The following OSBPL6 variants were observed in gnomAD, a reference collection of about 807,000 sequenced individuals.
OSBPL6 encodes the protein oxysterol-binding protein-related protein 6.
Under a neutral mutation model 125.8 loss-of-function variants are expected in OSBPL6, and 49 were observed. The observed-to-expected ratio is 0.39, with a 90% CI of 0.31 to 0.49. The LOEUF (loss-of-function observed/expected upper bound fraction) is 0.49, where lower values mean the gene tolerates loss of function less well. Ranked by LOEUF, OSBPL6 falls within the 20% of genes least tolerant of loss-of-function variation. OSBPL6 has a pLI of 0.88. For synonymous variants in OSBPL6, 394 were observed against 391.8 expected, an observed-to-expected ratio of 1.01 and a Z score of -0.07; for missense variants, 986 against 1,135.4, an observed-to-expected ratio of 0.87 and a Z score of 1.89.
chr2:178,253,656 G>A (rs932747903), intron 1 of OSBPL6, among the ~76,000 whole-genome samples: 1 of 152,106 alleles, frequency 6.6e-6, no homozygotes, highest in Admixed American at 6.6e-5. Flanking sequence ...TAAACTCAGG[G>A]CCAGCAAGTC....
In OSBPL6 at chr2:178,395,438, T is replaced by C. The variant is rs201270618; in HGVS notation, c.2697-13T>C. 1 of 1,591,720 alleles carries C rather than the reference T, an allele frequency of 6.3e-7. No individual in the cohort carries two copies. The highest frequency in any genetic ancestry group is 8.6e-7 in the Non-Finnish European group (1 of 1,160,252). ...GTGATTCATGACTAATGTTGATGTT[T>C]ATATTTTCACAGAAAAGTTATTGAT... is the stretch of plus-strand genomic sequence containing the variant. On this transcript the variant is annotated splice_polypyrimidine_tract_variant and intron_variant, in intron 24 of 24. Transcript: ENST00000190611.
At chr2:178,239,643 T>C (rs868396362) in intron 1 of OSBPL6, among the ~76,000 whole-genome samples, 117 of 147,664 alleles carry the variant, frequency 7.9e-4, no homozygotes, top group African/African-American at 2.6e-3. Context: ...TTTATTTATT[T>C]GCGATGGAGT....
intron 1 of OSBPL6, among the ~76,000 whole-genome samples, chr2:178,211,776 T>C (rs1206446035): frequency 6.6e-6 from 1 of 152,182 alleles, no homozygotes; most frequent in African/African-American, 2.4e-5. Flanking sequence ...ACATGAGCCC[T>C]TTCCCTTCTC....
intron 1 of OSBPL6, among the ~76,000 whole-genome samples, chr2:178,209,505 C>A (rs1286305731): frequency 6.7e-6 from 1 of 150,188 alleles, no homozygotes; most frequent in Non-Finnish European, 1.5e-5. Context: ...CTTCTGTCAC[C>A]CCTCTGAGGT....
chr2:178,225,853 C>T (rs1340497350), intron 1 of OSBPL6, among the ~76,000 whole-genome samples: 1 of 152,094 alleles, frequency 6.6e-6, no homozygotes, highest in African/African-American at 2.4e-5. Flanking sequence ...CCACTGGGTC[C>T]CTCCCACAAC....
intron 4 of OSBPL6, among the ~76,000 whole-genome samples, chr2:178,325,377 C>T (rs1688604952): frequency 6.6e-6 from 1 of 152,108 alleles, no homozygotes; most frequent in African/African-American, 2.4e-5. Context: ...ACACTTGAAC[C>T]TCTTTAAACT....
chr2:178,380,034 AAAG>A (rs1413193068), intron 15 of OSBPL6, among the ~76,000 whole-genome samples: 2 of 152,224 alleles, frequency 1.3e-5, no homozygotes, highest in Non-Finnish European at 2.9e-5. Context: ...TTACATGACA[AAAG>A]AATTGGCATA....
In OSBPL6 at chr2:178,388,470, T is replaced by A. The variant is rs542657864; in HGVS notation, c.2157-539T>A. ...CTGCCTCATCACACCTTTCCTGCCT[T>A]GCGTCCTGCCACCCGCACTCACCTG... On this transcript the variant is annotated intron_variant, in intron 20 of 24. Coordinates refer to ENST00000190611, the MANE Select transcript of OSBPL6 (RefSeq NM_032523.4). Among the ~76,000 whole-genome samples, 22 of 152,274 alleles carry A rather than the reference T, an allele frequency of 1.4e-4. 1 individual carries two copies. The South Asian group carries it at 3.9e-3, about 27-fold the overall frequency.
In OSBPL6 at chr2:178,224,997, C is replaced by T. The variant is rs1187056072; in HGVS notation, c.-351+30323C>T. ...TCTTTATCTCTCTCTGCTTCTCTCT[C>T]TCTCTTTCTCTCTCTCTCTCTCTCT... On this transcript the variant is annotated intron_variant, in intron 1 of 24. Transcript: ENST00000190611. Among the ~76,000 whole-genome samples the T allele has an allele frequency of 8.3e-4, 43 of 51,834 alleles. No homozygotes were observed. In the East Asian group the frequency reaches 0.027, roughly 33 times the overall value. The allele number at this position is 51,834 out of a possible 152,430, so 34.0% of individuals were successfully genotyped here. A position where few individuals can be genotyped will look rare whatever the true frequency, so the allele number is the denominator to read the frequency against.
At chr2:178,291,740 T>G (rs1685293162) in intron 2 of OSBPL6, among the ~76,000 whole-genome samples, 1 of 145,352 alleles carries the variant, frequency 6.9e-6, no homozygotes, top group Non-Finnish European at 1.5e-5. Context: ...TTCCTTTCTT[T>G]CCTTCCTTCC....
At chr2:178,269,657 A>C (rs1443433113) in intron 1 of OSBPL6, among the ~76,000 whole-genome samples, 1 of 152,000 alleles carries the variant, frequency 6.6e-6, no homozygotes, top group Non-Finnish European at 1.5e-5. Context: ...ATATTTCCAG[A>C]CTCCAAACCC....
chr2:178,372,256 G>A (rs1198820459), intron 14 of OSBPL6, 23 bp downstream of exon 14: 4 of 1,501,208 alleles, frequency 2.7e-6, no homozygotes, highest in Non-Finnish European at 3.7e-6. Context: ...TTAAATAGAT[G>A]CAGAGTACCT....
chr2:178,344,026 T>C (rs1690466206), intron 11 of OSBPL6, among the ~76,000 whole-genome samples: 1 of 152,218 alleles, frequency 6.6e-6, no homozygotes, highest in African/African-American at 2.4e-5. Flanking sequence ...TCGCAGGCTG[T>C]CCATCAGTTT....
intron 2 of OSBPL6, among the ~76,000 whole-genome samples, chr2:178,305,532 T>C (rs1016750169): frequency 3.9e-5 from 6 of 152,254 alleles, no homozygotes; most frequent in Non-Finnish European, 8.8e-5. Context: ...TGTGGATATA[T>C]GTATTCCTGG....
At chr2:178,343,012 A>T (rs189485384) in intron 11 of OSBPL6, among the ~76,000 whole-genome samples, 1 of 152,310 alleles carries the variant, frequency 6.6e-6, no homozygotes, top group East Asian at 1.9e-4. Flanking sequence ...GTGTGTATGT[A>T]TGTATGACAA....
chr2:178,325,520 A>G (rs1194866648), intron 4 of OSBPL6, among the ~76,000 whole-genome samples: 3 of 152,250 alleles, frequency 2.0e-5, no homozygotes, highest in Admixed American at 1.3e-4. Context: ...TACAGACTGT[A>G]TACCTGGTAA....
At chr2:178,293,670 G>C (rs1685479878) in intron 2 of OSBPL6, among the ~76,000 whole-genome samples, 1 of 151,826 alleles carries the variant, frequency 6.6e-6, no homozygotes, top group African/African-American at 2.4e-5. Context: ...ATTTTTACAT[G>C]TACAATTAAA....
intron 12 of OSBPL6, among the ~76,000 whole-genome samples, chr2:178,360,691 G>A (rs1374346437): frequency 1.3e-5 from 2 of 152,074 alleles, no homozygotes; most frequent in African/African-American, 2.4e-5. Context: ...TTTTGGAAGC[G>A]TTATTTTAAA....
Position 178,391,118 on chromosome 2 carries a change from A to G in OSBPL6, c.2347A>G (p.Ile783Val). 4 of 1,613,910 alleles carry G rather than the reference A, an allele frequency of 2.5e-6. No individual in the cohort carries two copies. Among genetic ancestry groups the G allele is most frequent in the Non-Finnish European group, 3.4e-6 (4 of 1,179,914 alleles). Reference protein sequence around the residue: ...SNMNEVQGVVIDQEGKAVYRL... With the variant: ...SNMNEVQGVVVDQEGKAVYRL... ...CATGAATGAAGTCCAGGGGGTGGTG[A>G]TAGATCAGGAGGGGAAGGCGGTGTA... Residue 783 changes from isoleucine (I) to valine (V), a missense_variant, in exon 22 of 25, where the codon ATA (isoleucine) becomes GTA (valine). Physicochemically the swap from Ile to Val is conservative, Grantham distance 29. Transcript: ENST00000190611.
Sources: allele counts gnomAD v4.1 joint callset (sites outside exome capture counted in the v4.1 genomes callset), GRCh38; gene constraint gnomAD v4.1.1; transcripts MANE v1.5; gene names NCBI Gene and HGNC (gene_info 2026-07-23, HGNC 2026-07-21).